Variants in RHOBTB3 observed in about 807,000 individuals in gnomAD.
RHOBTB3 encodes rho-related BTB domain-containing protein 3.
A neutral mutation model predicts 67.2 loss-of-function variants in RHOBTB3; 47 were observed. That is an observed-to-expected ratio of 0.70 (90% CI 0.55 to 0.89). The LOEUF (loss-of-function observed/expected upper bound fraction) is 0.89. RHOBTB3 is among the 40% of genes least tolerant of loss of function. RHOBTB3 has a pLI of 0.00. For missense variants in RHOBTB3, 631 were observed against 750.0 expected, an observed-to-expected ratio of 0.84 and a Z score of 1.85; for synonymous variants, 273 against 274.2, an observed-to-expected ratio of 1.00 and a Z score of 0.04.
chr5:95,788,534 G>T (rs1746285794), intron 10 of RHOBTB3, among the ~76,000 whole-genome samples: 2 of 152,216 alleles, frequency 1.3e-5, no homozygotes, highest in Non-Finnish European at 2.9e-5. Flanking sequence ...GCCGTAGATT[G>T]TTATTCGCTG....
intron 2 of RHOBTB3, among the ~76,000 whole-genome samples, chr5:95,735,164 C>G (rs2112774189): frequency 6.6e-6 from 1 of 152,116 alleles, no homozygotes; most frequent in East Asian, 1.9e-4. Flanking sequence ...GAAGCTTTCC[C>G]ATTTTTCTGC....
intron 2 of RHOBTB3, chr5:95,732,372 T>C: frequency 1.7e-6 from 1 of 575,246 alleles, no homozygotes; most frequent in Non-Finnish European, 3.1e-6. Flanking sequence ...CAGTTGAATG[T>C]GCCAACTCCA....
chr5:95,744,582 A>C (rs997709100), intron 3 of RHOBTB3, among the ~76,000 whole-genome samples: 3 of 152,154 alleles, frequency 2.0e-5, no homozygotes, highest in Non-Finnish European at 4.4e-5. Flanking sequence ...TTTCACTAAC[A>C]AGATGAAATT....
chr5:95,780,149 G>C, intron 8 of RHOBTB3, 103 bp from the exon 9 acceptor site: 1 of 835,348 alleles, frequency 1.2e-6, no homozygotes, highest in African/African-American at 1.7e-5. Context: ...CTGCATATCA[G>C]CCTAGCTGTC....
rs1339630614 is a variant in RHOBTB3 at position 95,748,393 on chromosome 5, C to G, written c.476C>G (p.Thr159Ser). 1 of 1,613,408 alleles carries G rather than the reference C, an allele frequency of 6.2e-7. No homozygotes were observed. The highest frequency in any genetic ancestry group is 2.2e-5 in the East Asian group (1 of 44,844). ...GACAGAGGGAGCTGTGTTAGTACAA[C>G]TGAAGGGATCCAACTTGCAAAAGAA... ...TSDRGSCVST[T>S]EGIQLAKELG... The change falls in exon 4 of 12, where the codon ACT becomes AGT. Residue 159 changes from threonine to serine, a missense_variant. Transcript: ENST00000379982.
In RHOBTB3 at chr5:95,795,537, G is replaced by A. The variant is rs1746542066; in HGVS notation, c.*2363G>A. ...AACTAGACTATAGGTAGTTCCTTAA[G>A]GTTGTTTGACCTGAAGTGGAGTTGG... On this transcript the variant is annotated 3_prime_UTR_variant, in exon 12 of 12. Coordinates refer to ENST00000379982, the MANE Select transcript of RHOBTB3 (RefSeq NM_014899.4). 1 of 152,182 alleles carries A rather than the reference G, an allele frequency of 6.6e-6. No individual in the cohort carries two copies. The highest frequency in any genetic ancestry group is 1.5e-5 in the Non-Finnish European group (1 of 68,038). 9.4% of individuals were successfully genotyped at this position (152,182 alleles called of 1,614,324 possible).
chr5:95,739,872 C>G (rs991054904), intron 3 of RHOBTB3, among the ~76,000 whole-genome samples: 21 of 152,304 alleles, frequency 1.4e-4, no homozygotes, highest in African/African-American at 5.1e-4. Context: ...CCTGATACTT[C>G]TTCAACTTTT....
chr5:95,793,047 T>A lies in RHOBTB3; in HGVS notation c.1721-12T>A. 6.3e-7 allele frequency: 1 copy of A among 1,587,898 alleles called. No homozygotes were observed. Among genetic ancestry groups the A allele is most frequent in the South Asian group, 1.1e-5 (1 of 89,594 alleles). ...ACATATTCGGTTAACAGTCTTTTTC[T>A]TAAAACTTCAGTGGAAGAACGCAGT... On this transcript the variant is annotated splice_polypyrimidine_tract_variant and intron_variant, in intron 11 of 11. Transcript: ENST00000379982.
chr5:95,784,024 AT>A, intron 10 of RHOBTB3, 61 bp downstream of exon 10: 1 of 1,316,478 alleles, frequency 7.6e-7, no homozygotes, highest in Non-Finnish European at 1.0e-6. Context: ...AAATTATACT[AT>A]TTTAAAATTT....
rs754569368 is a variant in RHOBTB3 at position 95,755,912 on chromosome 5, A to G, written c.1048+151A>G. Reference sequence around the variant, plus strand: ...ATACATGAAATATTATTTGCTTTATATATAAGAATTGGTCCAAGCTTTCTG... The same window carrying G: ...ATACATGAAATATTATTTGCTTTATGTATAAGAATTGGTCCAAGCTTTCTG... On this transcript the variant is annotated intron_variant, in intron 6 of 11. Transcript: ENST00000379982. 6 of 739,886 alleles carry G rather than the reference A, an allele frequency of 8.1e-6. No homozygotes were observed. In the Admixed American group the frequency reaches 1.4e-4, roughly 17 times the overall value. 45.8% of individuals were successfully genotyped at this position (739,886 alleles called of 1,614,324 possible). A position where few individuals can be genotyped will look rare whatever the true frequency, so the allele number is the denominator to read the frequency against.
chr5:95,792,588 C>G (rs902527060), intron 11 of RHOBTB3, among the ~76,000 whole-genome samples: 3 of 151,568 alleles, frequency 2.0e-5, no homozygotes, highest in Admixed American at 2.0e-4. Flanking sequence ...GTCAGGAGAT[C>G]GAGACCATCC....
rs1304127175 is a variant in RHOBTB3, at chr5:95,795,926, G to A, written c.*2752G>A. 2.6e-5 allele frequency: 4 copies of A among 152,102 alleles called. No homozygotes were observed. Among genetic ancestry groups the A allele is most frequent in the Admixed American group, 2.0e-4 (3 of 15,276 alleles). The allele number at this position is 152,102 out of a possible 1,614,324, so 9.4% of individuals were successfully genotyped here. The stretch of plus-strand genomic sequence containing the variant: ...GAAGATACTCTATGGTAGAACTAAG[G>A]CCTTTCCTTTCTTGGCCAAAGTCTT... On this transcript the variant is annotated 3_prime_UTR_variant, in exon 12 of 12. Coordinates refer to ENST00000379982, the MANE Select transcript of RHOBTB3 (RefSeq NM_014899.4).
Position 95,731,940 on chromosome 5 carries a change from C to G in RHOBTB3, c.84C>G (p.Tyr28Ter). The G allele has an allele frequency of 2.5e-6, 4 of 1,614,130 alleles. No homozygotes were observed. The highest frequency in any genetic ancestry group is 3.4e-6 in the Non-Finnish European group (4 of 1,180,034). ...DNRPSGLIRT[Y>*]LGRSPLVSGD... is the part of the protein sequence containing the mutation. ...GGCCGTCGGGGCTTATCCGCACTTA[C>G]CTGGGGAGAAGCCCTCTGGTCTCCG... The change falls in exon 2 of 12, where the codon TAC becomes TAG. Residue 28 changes from tyrosine (Y) to a stop codon, truncating the protein, a stop_gained. Coordinates refer to ENST00000379982, the MANE Select transcript of RHOBTB3 (RefSeq NM_014899.4). LOFTEE classifies it high-confidence loss of function.
intron 8 of RHOBTB3, among the ~76,000 whole-genome samples, chr5:95,776,341 A>G (rs907897628): frequency 1.3e-5 from 2 of 152,222 alleles, no homozygotes; most frequent in Non-Finnish European, 2.9e-5. Flanking sequence ...CAGGAAGCAG[A>G]GGAAGCTGTG....
chr5:95,770,376 T>C (rs1745673041), intron 8 of RHOBTB3: 1 of 234,674 alleles, frequency 4.3e-6, no homozygotes, highest in Admixed American at 4.8e-5. Context: ...TAACTCCAAC[T>C]AATAAAAATA....
At chr5:95,722,260 T>A (rs1458198800) in intron 1 of RHOBTB3, among the ~76,000 whole-genome samples, 1 of 152,116 alleles carries the variant, frequency 6.6e-6, no homozygotes, top group Non-Finnish European at 1.5e-5. Flanking sequence ...ATGAGCCAAA[T>A]TATAGCAATA....
At chr5:95,736,421 T>C (rs72783445) in intron 2 of RHOBTB3, among the ~76,000 whole-genome samples, 11,967 of 152,178 alleles carry the variant, frequency 0.079, 719 homozygotes, top group African/African-American at 0.16. Context: ...ATGAATAAAG[T>C]ATATGGAACT....
At chr5:95,773,218 G>A (rs1031461778) in intron 8 of RHOBTB3, among the ~76,000 whole-genome samples, 31 of 152,176 alleles carry the variant, frequency 2.0e-4, no homozygotes, top group Non-Finnish European at 2.2e-4. Context: ...CCTACTGTAG[G>A]CACCTGCTCC....
chr5:95,741,523 G>GTCTTTCTGT (rs1728321828), intron 3 of RHOBTB3, among the ~76,000 whole-genome samples: 2 of 84,852 alleles, frequency 2.4e-5, no homozygotes, highest in African/African-American at 9.2e-5. Context: ...CTTTCTTTCT[G>GTCTTTCTGT]TTTTTTTTTT....
Sources: gnomAD v4.1 joint callset for allele counts (sites outside exome capture counted in the v4.1 genomes callset) on GRCh38, gnomAD v4.1.1 for gene constraint, MANE v1.5 for transcripts, NCBI Gene and HGNC (gene_info 2026-07-23, HGNC 2026-07-21) for gene names.